The following ACSL6 variants were observed in gnomAD, a reference collection of about 807,000 sequenced individuals.
ACSL6 encodes acyl-CoA synthetase long chain family member 6, also known as long-chain-fatty-acid--CoA ligase 6.
A neutral mutation model predicts 98.2 loss-of-function variants in ACSL6; 47 were observed. The ratio of observed to expected loss-of-function variants is 0.48; its 90% CI spans 0.38 to 0.61. The LOEUF (loss-of-function observed/expected upper bound fraction) is 0.61. ACSL6 is among the 20% of genes least tolerant of loss of function. The pLI is 0.00. For synonymous variants in ACSL6, 362 were observed against 336.9 expected (o/e 1.07, Z -0.82); for missense variants, 761 against 913.4 (o/e 0.83, Z 2.15).
At chr5:131,973,074 G>A (rs1248871739) in intron 12 of ACSL6, among the ~76,000 whole-genome samples, 192 bp downstream of exon 12, 9 of 152,166 alleles carry the variant, frequency 5.9e-5, no homozygotes, top group Non-Finnish European at 1.0e-4. Context: ...AATCTCTCCC[G>A]CAGGGGTATT....
intron 3 of ACSL6, 95 bp downstream of exon 3, chr5:131,990,758 C>T: frequency 8.7e-7 from 1 of 1,144,890 alleles, no homozygotes; most frequent in South Asian, 1.4e-5. Context: ...AGCTCACCTG[C>T]CATGGCCCTG....
At chr5:132,011,663 G>C, upstream of ACSL6, 1 of 1,262,812 alleles carries the variant, frequency 7.9e-7, no homozygotes, top group Non-Finnish European at 1.0e-6. This position sits in a 1 kb window ranked among gnomAD's most constrained non-coding sequence, Gnocchi z 5.4. Context: ...GCCGCTGCCG[G>C]GTATTTTTAG....
intron 20 of ACSL6, among the ~76,000 whole-genome samples, chr5:131,957,123 A>G (rs1447535502): frequency 6.6e-6 from 1 of 152,214 alleles, no homozygotes; most frequent in Non-Finnish European, 1.5e-5. Flanking sequence ...ATCCTTTAAC[A>G]CAATATTGCT....
chr5:131,967,397 C>T (rs952130462), intron 16 of ACSL6, among the ~76,000 whole-genome samples: 1 of 152,042 alleles, frequency 6.6e-6, no homozygotes, highest in Non-Finnish European at 1.5e-5. Context: ...GGCACGGTGG[C>T]TCACGCCTGT....
At chr5:132,007,690 A>G (rs1434754231) in intron 1 of ACSL6, among the ~76,000 whole-genome samples, 2 of 152,184 alleles carry the variant, frequency 1.3e-5, no homozygotes, top group Admixed American at 6.5e-5. Flanking sequence ...GCTCAGTGAA[A>G]CAACAGCCAA....
Position 131,954,270 on chromosome 5 carries a change from T to C in ACSL6, c.2133A>G (p.Lys711=). 1 of 1,613,744 alleles carries C rather than the reference T, an allele frequency of 6.2e-7. No individual in the cohort carries two copies. The highest frequency in any genetic ancestry group is 8.5e-7 in the Non-Finnish European group (1 of 1,179,914). ...TTGAGTAAAGCTCTTCTATTTGTTT[T>C]TTGAAGTACTCTCTCAGCTCAGGTC... ...AKRPELREYF[K]KQIEELYSIS... The change falls in exon 21 of 21, where the codon AAA becomes AAG. Residue 711 remains lysine, a synonymous_variant. Transcript: ENST00000651883.
Position 131,972,836 on chromosome 5 carries a change from G to T in ACSL6, c.1226C>A (p.Pro409Gln). 1.2e-6 allele frequency: 2 copies of T among 1,614,180 alleles called. No homozygotes were observed. The highest frequency in any genetic ancestry group is 1.7e-6 in the Non-Finnish European group (2 of 1,180,036). Residue 409 changes from proline (P) to glutamine (Q), a missense_variant, in exon 13 of 21, where the codon CCA (proline) becomes CAA (glutamine). Transcript: ENST00000651883. ...YDKIFSQANT[P>Q]LKRWLLEFAA... ...AAACTCCAGGAGCCAGCGCTTTAAT[G>T]GTGTGTTTGCCTGGCTGAAGATCTG...
chr5:131,970,031 C>T, intron 15 of ACSL6, 97 bp downstream of exon 15: 1 of 1,014,332 alleles, frequency 9.9e-7, no homozygotes, highest in Non-Finnish European at 1.6e-6. Context: ...TTCCTAAGTA[C>T]CCATGCAAAT....
chr5:131,966,162 A>G (rs1753000953), intron 17 of ACSL6, among the ~76,000 whole-genome samples: 1 of 152,124 alleles, frequency 6.6e-6, no homozygotes, highest in East Asian at 1.9e-4. Flanking sequence ...GAAACCATTA[A>G]GGATAGGAAT....
intron 14 of ACSL6, 89 bp from the exon 15 acceptor site, chr5:131,970,289 A>C: frequency 8.4e-7 from 1 of 1,196,738 alleles, no homozygotes; most frequent in Non-Finnish European, 1.2e-6. Context: ...CCTCCCACTG[A>C]GCGTGTCTGA....
chr5:132,001,306 A>T (rs1755071495), intron 1 of ACSL6, among the ~76,000 whole-genome samples: 1 of 152,250 alleles, frequency 6.6e-6, no homozygotes, highest in East Asian at 1.9e-4. Context: ...ACCATCACAC[A>T]TGTACAACCC....
Position 132,011,473 on chromosome 5 carries a change from G to A in ACSL6, c.49+32C>T. The stretch of plus-strand genomic sequence containing the variant: ...AGACCTCATAGCCTGCGGGAGATGG[G>A]AGTCCGGGACGCGGACAGGACGGGC... On this transcript the variant is annotated intron_variant, in intron 1 of 20. Coordinates refer to ENST00000651883, the MANE Select transcript of ACSL6 (RefSeq NM_001009185.3). This position sits in a 1 kb window ranked among gnomAD's most constrained non-coding sequence, Gnocchi z 5.4. The A allele has an allele frequency of 1.2e-6, 2 of 1,601,016 alleles. No individual in the cohort carries two copies. The highest frequency in any genetic ancestry group is 1.1e-5 in the South Asian group (1 of 90,726).
chr5:132,002,936 G>A (rs1755170727), intron 1 of ACSL6, among the ~76,000 whole-genome samples: 1 of 152,160 alleles, frequency 6.6e-6, no homozygotes, highest in South Asian at 2.1e-4. Flanking sequence ...ACAAGCTAAT[G>A]GCACTCAGCC....
intron 8 of ACSL6, among the ~76,000 whole-genome samples, chr5:131,986,093 T>C (rs1001706019): frequency 7.2e-5 from 11 of 152,180 alleles, no homozygotes; most frequent in African/African-American, 2.7e-4. Context: ...GTGGGTGTTT[T>C]GGGGAGAGGA....
At chr5:131,961,704 A>T (rs1752721092) in intron 18 of ACSL6, among the ~76,000 whole-genome samples, 1 of 151,984 alleles carries the variant, frequency 6.6e-6, no homozygotes, top group Admixed American at 6.5e-5. Flanking sequence ...GATATCTTAG[A>T]TATCATAGAA....
rs1433021998 is a variant in ACSL6 at position 131,960,392 on chromosome 5, T to C, written c.1959+128A>G. 22 of 614,328 alleles carry C rather than the reference T, an allele frequency of 3.6e-5. No individual in the cohort carries two copies. In the East Asian group the frequency reaches 6.4e-4, roughly 18 times the overall value. 38.1% of individuals were successfully genotyped at this position (614,328 alleles called of 1,614,324 possible). A position where few individuals can be genotyped will look rare whatever the true frequency, so the allele number is the denominator to read the frequency against. On this transcript the variant is annotated intron_variant, in intron 19 of 20. Transcript: ENST00000651883. ...AATCTCTGGTTTAGAATCCCCACTA[T>C]ATATAAAGTAATGTTAGAAATTTCG...
At chr5:131,954,482 A>G in intron 20 of ACSL6, 111 bp from the exon 21 acceptor site, 1 of 1,134,206 alleles carries the variant, frequency 8.8e-7, no homozygotes, top group African/African-American at 1.6e-5. Context: ...ACATACAGAC[A>G]TTATGCTAAG....
chr5:131,980,580 T>C (rs1753838851), intron 9 of ACSL6, among the ~76,000 whole-genome samples: 1 of 152,214 alleles, frequency 6.6e-6, no homozygotes, highest in African/African-American at 2.4e-5. Context: ...ATGCCTGGGC[T>C]TTCATGGGCA....
chr5:131,960,853 A>G (rs1215380421), intron 18 of ACSL6: 1 of 427,990 alleles, frequency 2.3e-6, no homozygotes, highest in African/African-American at 2.0e-5. Context: ...CAGTAAAGTT[A>G]GACTGATATG....
Sources: allele counts gnomAD v4.1 joint callset (sites outside exome capture counted in the v4.1 genomes callset), GRCh38; gene constraint gnomAD v4.1.1; non-coding constraint Gnocchi (gnomAD v3.1); transcripts MANE v1.5; gene names NCBI Gene and HGNC (gene_info 2026-07-23, HGNC 2026-07-21).